The following NGLY1 variants were observed in gnomAD, a reference collection of about 807,000 sequenced individuals.
NGLY1 encodes the protein N-glycanase 1.
A neutral mutation model predicts 84.6 loss-of-function variants in NGLY1; 68 were observed. That is an observed-to-expected ratio of 0.80 (90% CI 0.66 to 0.98). The LOEUF (loss-of-function observed/expected upper bound fraction) is 0.98, where lower values mean the gene tolerates loss of function less well. Among genes scored for constraint, NGLY1 ranks in the 50% least tolerant of loss-of-function variants. NGLY1 has a pLI of 0.00. For missense variants in NGLY1, 779 were observed against 770.2 expected (o/e 1.01, Z -0.14); for synonymous variants, 280 against 275.2 (o/e 1.02, Z -0.17).
At chr3:25,741,434 A>C (rs1224292035) in intron 4 of NGLY1, among the ~76,000 whole-genome samples, 1 of 151,924 alleles carries the variant, frequency 6.6e-6, no homozygotes, top group Non-Finnish European at 1.5e-5. Context: ...ATATTAGGAC[A>C]AATAGCTATC....
chr3:25,723,022 A>G (rs985001774), intron 10 of NGLY1, among the ~76,000 whole-genome samples: 1 of 152,208 alleles, frequency 6.6e-6, no homozygotes, highest in African/African-American at 2.4e-5. Flanking sequence ...TTATCTCTCA[A>G]TATGCACTTC....
chr3:25,753,250 T>A (rs1049396622), intron 3 of NGLY1, among the ~76,000 whole-genome samples: 4 of 151,926 alleles, frequency 2.6e-5, no homozygotes, highest in Non-Finnish European at 5.9e-5. Context: ...AATGAAGCAA[T>A]TTTTTTTGAA....
intron 6 of NGLY1, 73 bp from the exon 7 acceptor site, chr3:25,736,222 CA>C: frequency 6.4e-7 from 1 of 1,573,850 alleles, no homozygotes; most frequent in Non-Finnish European, 8.6e-7. Context: ...TAACTATACA[CA>C]AACTCCTAAG....
chr3:25,760,002 T>A (rs1308796250), intron 3 of NGLY1, among the ~76,000 whole-genome samples: 1 of 152,052 alleles, frequency 6.6e-6, no homozygotes, highest in African/African-American at 2.4e-5. Flanking sequence ...CCCTTTATTT[T>A]GAGGCTTTAA....
At position 25,749,976 on chromosome 3, in the gene NGLY1, A is replaced by G. The variant is rs1306465784; in HGVS notation, c.658+1122T>C. ...AAAAAAAAAAGAAGGAAATTCTGCA[A>G]TATGTTACAACCTAGATGTACCAGT... On this transcript the variant is annotated intron_variant, in intron 4 of 11. Transcript: ENST00000280700. 3 of 596,766 alleles carry G rather than the reference A, an allele frequency of 5.0e-6. No homozygotes were observed. The Admixed American group carries it at 8.9e-5, about 18-fold the overall frequency. The allele number at this position is 596,766 out of a possible 1,614,324, so 37.0% of individuals were successfully genotyped here.
intron 2 of NGLY1, among the ~76,000 whole-genome samples, chr3:25,774,672 C>A (rs900210961): frequency 6.6e-6 from 1 of 152,166 alleles, no homozygotes. Flanking sequence ...TATATCCAGG[C>A]AGTGTACGCA....
chr3:25,749,470 C>T (rs1706612148), intron 4 of NGLY1: 6 of 1,363,228 alleles, frequency 4.4e-6, no homozygotes, highest in African/African-American at 1.4e-5. Context: ...AGGTGGCAGC[C>T]ATCTCCTCTT....
Position 25,760,056 on chromosome 3 carries a change from A to G in NGLY1, c.492+4010T>C, listed in dbSNP as rs941828358. Among the ~76,000 whole-genome samples the G allele has an allele frequency of 9.2e-5, 14 of 152,254 alleles. No individual in the cohort carries two copies. The East Asian group carries it at 2.7e-3, about 29-fold the overall frequency. On this transcript the variant is annotated intron_variant, in intron 3 of 11. Coordinates refer to ENST00000280700, the MANE Select transcript of NGLY1 (RefSeq NM_018297.4). ...AGACATAAAAGTTTTGTTATTTTAA[A>G]TATGTTTTAATCAACTTGTGACTTC... is the stretch of plus-strand genomic sequence containing the variant.
At chr3:25,723,949 C>A (rs1166033058) in intron 10 of NGLY1, among the ~76,000 whole-genome samples, 1 of 152,160 alleles carries the variant, frequency 6.6e-6, no homozygotes, top group East Asian at 1.9e-4. Flanking sequence ...TTGTTGTAAG[C>A]ACATATGAGC....
intron 1 of NGLY1, among the ~76,000 whole-genome samples, chr3:25,781,248 G>A (rs1294299946): frequency 6.6e-6 from 1 of 152,202 alleles, no homozygotes; most frequent in African/African-American, 2.4e-5. Context: ...ACCGTGCCCA[G>A]TGAGCAATTT....
chr3:25,744,343 C>A (rs6772769), intron 4 of NGLY1, among the ~76,000 whole-genome samples: 91 of 152,350 alleles, frequency 6.0e-4, no homozygotes, highest in African/African-American at 2.1e-3. Context: ...AACCTTCAGT[C>A]TACCAGGCCA....
intron 2 of NGLY1, among the ~76,000 whole-genome samples, chr3:25,770,000 T>C (rs1045203615): frequency 1.3e-5 from 2 of 152,174 alleles, no homozygotes; most frequent in African/African-American, 2.4e-5. Flanking sequence ...TGCATCCACA[T>C]AGCTTAGCTC....
At chr3:25,773,451 TG>T (rs1447064734) in intron 2 of NGLY1, among the ~76,000 whole-genome samples, 1 of 152,200 alleles carries the variant, frequency 6.6e-6, no homozygotes, top group Non-Finnish European at 1.5e-5. Flanking sequence ...TTTCCCTAGG[TG>T]TGTTCTTCAC....
intron 4 of NGLY1, among the ~76,000 whole-genome samples, chr3:25,745,066 T>C (rs1459773206): frequency 6.6e-6 from 1 of 152,190 alleles, no homozygotes. Context: ...TATTTCACTA[T>C]ATAAGTTTCC....
intron 4 of NGLY1, among the ~76,000 whole-genome samples, chr3:25,740,600 A>G (rs1216398414): frequency 6.6e-6 from 1 of 152,118 alleles, no homozygotes; most frequent in Non-Finnish European, 1.5e-5. Context: ...AATCTAATAA[A>G]GCTTGATGTT....
At position 25,765,320 on chromosome 3, in the gene NGLY1, C is replaced by G. The variant is rs376116762; in HGVS notation, c.247-1009G>C. On this transcript the variant is annotated intron_variant, in intron 2 of 11. Transcript: ENST00000280700. ...ACCAAAAATACAAAAATAAGCTGGG[C>G]ATGGTGGCGGGTGCCTGTAATCCCA... Among the ~76,000 whole-genome samples, 7 of 152,084 alleles carry G rather than the reference C, an allele frequency of 4.6e-5. No individual in the cohort carries two copies. The East Asian group carries it at 1.4e-3, about 29-fold the overall frequency.
chr3:25,762,922 C>A (rs1352182899), intron 3 of NGLY1, among the ~76,000 whole-genome samples: 1 of 152,104 alleles, frequency 6.6e-6, no homozygotes, highest in African/African-American at 2.4e-5. Flanking sequence ...CCATTGCATT[C>A]TAGCCTGGGC....
At position 25,764,117 on chromosome 3, in the gene NGLY1, CTGGTT is replaced by C; in HGVS notation, c.436_440del (p.Asn146AlafsTer21). 2 of 1,614,166 alleles carry C rather than the reference CTGGTT, an allele frequency of 1.2e-6. No individual in the cohort carries two copies. The highest frequency in any genetic ancestry group is 1.7e-6 in the Non-Finnish European group (2 of 1,180,032). ...ACTGCCCTTGACGGTTCCTTGTGTG[CTGGTT>C]TAACCCACTGGGATTTGAAGATGGT... On this transcript the variant is annotated frameshift_variant, in exon 3 of 12. Coordinates refer to ENST00000280700, the MANE Select transcript of NGLY1 (RefSeq NM_018297.4). LOFTEE classifies it high-confidence loss of function.
Position 25,764,113 on chromosome 3 carries a change from T to A in NGLY1, c.445A>T (p.Thr149Ser), listed in dbSNP as rs751242474. 2 of 1,614,216 alleles carry A rather than the reference T, an allele frequency of 1.2e-6. No homozygotes were observed. The highest frequency in any genetic ancestry group is 2.2e-5 in the South Asian group (2 of 91,086). ...SSNPSGLNQH[T>S]RNRQGQSSDP... Reference sequence around the variant, plus strand: ...GATGACTGCCCTTGACGGTTCCTTGTGTGCTGGTTTAACCCACTGGGATTT... The same window carrying A: ...GATGACTGCCCTTGACGGTTCCTTGAGTGCTGGTTTAACCCACTGGGATTT... The change falls in exon 3 of 12, where the codon ACA becomes TCA. Residue 149 changes from threonine (T) to serine (S), a missense_variant. By Grantham distance (58) the Thr-to-Ser change is moderately conservative. Coordinates refer to ENST00000280700, the MANE Select transcript of NGLY1 (RefSeq NM_018297.4).
Sources: gnomAD v4.1 joint callset for allele counts (sites outside exome capture counted in the v4.1 genomes callset) on GRCh38, gnomAD v4.1.1 for gene constraint, MANE v1.5 for transcripts, NCBI Gene and HGNC (gene_info 2026-07-23, HGNC 2026-07-21) for gene names.